PKHD1L1: variants seen among roughly 807,000 people sequenced by gnomAD.
The protein encoded by PKHD1L1 is fibrocystin-L.
In PKHD1L1, 434 loss-of-function variants were observed where a neutral mutation model predicts 462.9. That is an observed-to-expected ratio of 0.94 (90% CI 0.87 to 1.02). PKHD1L1 has a LOEUF of 1.02. Ranked by LOEUF, PKHD1L1 falls within the 50% of genes least tolerant of loss-of-function variation. The pLI, the probability that PKHD1L1 is intolerant of heterozygous loss-of-function variation, is 0.00. For missense variants in PKHD1L1, 5,202 were observed against 5,096.1 expected (o/e 1.02, Z -0.63); for synonymous variants, 1,781 against 1,750.0 (o/e 1.02, Z -0.44).
At chr8:109,422,405 A>G (rs912650140) in intron 23 of PKHD1L1, among the ~76,000 whole-genome samples, 1 of 152,162 alleles carries the variant, frequency 6.6e-6, no homozygotes, top group Admixed American at 6.5e-5. Context: ...GCAACCACAA[A>G]TTCATTCTCT....
intron 4 of PKHD1L1, among the ~76,000 whole-genome samples, chr8:109,382,838 A>G (rs369812971): frequency 3.8e-4 from 57 of 150,656 alleles, no homozygotes; most frequent in African/African-American, 1.4e-3. Flanking sequence ...TTTCCCCTTT[A>G]TCTCTACTTC....
intron 49 of PKHD1L1, 90 bp downstream of exon 49, chr8:109,465,335 CTT>C (rs1403829097): frequency 7.6e-7 from 1 of 1,320,878 alleles, no homozygotes; most frequent in Non-Finnish European, 1.0e-6. Context: ...ACTTAGGTGC[CTT>C]ACAGATCTTA....
At chr8:109,389,047 A>G (rs1318687755) in intron 7 of PKHD1L1, 32 bp from the exon 8 acceptor site, 1 of 1,408,458 alleles carries the variant, frequency 7.1e-7, no homozygotes, top group Non-Finnish European at 9.9e-7. Flanking sequence ...TAGTGTCTAT[A>G]TAAGCTTTGA....
rs779086803 is a variant in PKHD1L1, at chr8:109,464,467, T to C, written c.7635T>C (p.Phe2545=). 4.3e-6 allele frequency: 7 copies of C among 1,613,642 alleles called. No homozygotes were observed. The highest frequency in any genetic ancestry group is 8.5e-7 in the Non-Finnish European group (1 of 1,179,778). ...TCCTCCAGTATAACTTGGCAGTATTTGTACAGCAAAGTACCAGTCTTCTGA... is the reference window on the plus strand; with the variant it reads ...TCCTCCAGTATAACTTGGCAGTATTCGTACAGCAAAGTACCAGTCTTCTGA... ...GNILQYNLAV[F]VQQSTSLLND... Residue 2545 remains phenylalanine, a synonymous_variant, in exon 49 of 78, where the codon TTT becomes TTC. Transcript: ENST00000378402.
At chr8:109,373,497 T>G (rs1353307801) in intron 2 of PKHD1L1, among the ~76,000 whole-genome samples, 2 of 152,178 alleles carry the variant, frequency 1.3e-5, no homozygotes, top group African/African-American at 2.4e-5. Flanking sequence ...TTTGTGTCTC[T>G]ATTTCCTTCA....
chr8:109,445,604 T>C lies in PKHD1L1; in HGVS notation c.5735T>C (p.Leu1912Pro). 3 of 1,609,994 alleles carry C rather than the reference T, an allele frequency of 1.9e-6. No homozygotes were observed. The highest frequency in any genetic ancestry group is 2.5e-6 in the Non-Finnish European group (3 of 1,177,444). ...CCACCTTTGCTTTTTACATATGCCC[T>C]GGAGGATACTCCATTTCTCAGAGGA... Reference protein sequence around the residue: ...AYPPLLFTYALEDTPFLRGII... With the variant: ...AYPPLLFTYAPEDTPFLRGII... Residue 1912 changes from leucine (L) to proline (P), a missense_variant, in exon 38 of 78, where the codon CTG becomes CCG. By Grantham distance (98) the Leu-to-Pro change is moderately conservative (BLOSUM62 -3). Transcript: ENST00000378402.
intron 35 of PKHD1L1, among the ~76,000 whole-genome samples, 152 bp from the exon 36 acceptor site, chr8:109,442,794 T>A (rs1008944598): frequency 1.1e-4 from 17 of 152,218 alleles, no homozygotes; most frequent in Admixed American, 9.8e-4. Context: ...GCGAGTTTTC[T>A]TACTACATTC....
Position 109,396,111 on chromosome 8 carries a change from A to G in PKHD1L1, c.896A>G (p.Asp299Gly), listed in dbSNP as rs1812961175. Reference protein sequence around the residue: ...TISGRFFDQTDFPVRVLVGGE... With the variant: ...TISGRFFDQTGFPVRVLVGGE... ...AGTGGGCGTTTCTTTGATCAGACAG[A>G]TTTCCCCGTCAGAGTTCTAGTTGGA... The change falls in exon 11 of 78, where the codon GAT (aspartate) becomes GGT (glycine). Residue 299 changes from aspartate to glycine, a missense_variant. Around this residue, in one of 3 missense-constraint regions of PKHD1L1, gnomAD observed 4,497 missense variants for 4,336.8 expected, o/e 1.04. Coordinates refer to ENST00000378402, the MANE Select transcript of PKHD1L1 (RefSeq NM_177531.6). 6.2e-7 allele frequency: 1 copy of G among 1,608,436 alleles called. No individual in the cohort carries two copies.
At chr8:109,370,311 A>G (rs1228002767) in intron 2 of PKHD1L1, among the ~76,000 whole-genome samples, 1 of 151,694 alleles carries the variant, frequency 6.6e-6, no homozygotes, top group East Asian at 1.9e-4. Flanking sequence ...AGACAGTTTC[A>G]CCATGTTGGC....
intron 41 of PKHD1L1, 81 bp downstream of exon 41, chr8:109,451,230 G>A: frequency 7.1e-7 from 1 of 1,405,324 alleles, no homozygotes; most frequent in Non-Finnish European, 9.6e-7. Context: ...TGCCCGGACA[G>A]TGCAGAAATA....
chr8:109,522,158 C>G (rs1349583734), intron 73 of PKHD1L1, 28 bp from the exon 74 acceptor site: 1 of 1,558,886 alleles, frequency 6.4e-7, no homozygotes, highest in East Asian at 2.3e-5. Context: ...CTTTTATAAT[C>G]CAAATGTCAT....
chr8:109,470,888 G>C (rs1180037513), intron 50 of PKHD1L1: 5 of 1,548,158 alleles, frequency 3.2e-6, no homozygotes, highest in Non-Finnish European at 4.4e-6. Context: ...TAGAAACTGA[G>C]CCAGTAGAGG....
chr8:109,422,211 T>G lies in PKHD1L1; in HGVS notation c.2697+1521T>G, dbSNP rs559766492. On this transcript the variant is annotated intron_variant, in intron 23 of 77. Coordinates refer to ENST00000378402, the MANE Select transcript of PKHD1L1 (RefSeq NM_177531.6). ...AAATCCACTGACCTTATTCAGATTT[T>G]TCCAGGGTTGTGTGTGTGTGTGTGC... is the stretch of plus-strand genomic sequence containing the variant. 1.6e-4 allele frequency among the ~76,000 whole-genome samples: 23 copies of G among 147,964 alleles called. No individual in the cohort carries two copies. In the South Asian group the frequency reaches 4.0e-3, roughly 25 times the overall value.
rs752876442 is a variant in PKHD1L1 at position 109,406,370 on chromosome 8, C to A, written c.1705C>A (p.Gln569Lys). 1.6e-5 allele frequency: 25 copies of A among 1,557,662 alleles called. 1 individual carries two copies. In the South Asian group the frequency reaches 2.7e-4, roughly 17 times the overall value. The change falls in exon 17 of 78, where the codon CAA (glutamine) becomes AAA (lysine). Residue 569 changes from glutamine (Q) to lysine (K), a missense_variant. Transcript: ENST00000378402. ...TGCTGATGCTTCTGAATTCATACTG[C>A]AATCAGCCTTGAATGACCTCTGGTC... is the stretch of plus-strand genomic sequence containing the variant. Reference protein sequence around the residue: ...LPADASEFILQSALNDLWSIK... With the variant: ...LPADASEFILKSALNDLWSIK...
chr8:109,419,076 A>G (rs372155664), intron 21 of PKHD1L1, 21 bp from the exon 22 acceptor site: 4 of 1,602,146 alleles, frequency 2.5e-6, no homozygotes, highest in Non-Finnish European at 3.4e-6. Flanking sequence ...CTATACAACA[A>G]ATTAATCAAC....
intron 61 of PKHD1L1, 47 bp from the exon 62 acceptor site, chr8:109,491,816 TGCAAATTGAC>T: frequency 1.4e-6 from 2 of 1,455,026 alleles, no homozygotes; most frequent in Non-Finnish European, 1.9e-6. Flanking sequence ...TAATAGTCGT[TGCAAATTGAC>T]TTATGTTTTT....
intron 2 of PKHD1L1, among the ~76,000 whole-genome samples, chr8:109,374,644 G>A (rs1027933390): frequency 1.3e-5 from 2 of 152,200 alleles, no homozygotes; most frequent in African/African-American, 2.4e-5. Context: ...GGTATTGGTT[G>A]TTCCTTTCCA....
chr8:109,454,395 G>T, intron 44 of PKHD1L1, 149 bp downstream of exon 44: 1 of 661,882 alleles, frequency 1.5e-6, no homozygotes. Context: ...AATCCTTTAT[G>T]CAAGGAGAAA....
In PKHD1L1 at chr8:109,442,194, A is replaced by T. The variant is rs753624450; in HGVS notation, c.4392A>T (p.Ser1464=). The change falls in exon 35 of 78, where the codon TCA becomes TCT. Residue 1464 remains serine (S), a splice_region_variant and synonymous_variant. Transcript: ENST00000378402. The stretch of plus-strand genomic sequence containing the variant: ...CAAGTGGAAGACAAAAATCTACATC[A>T]GGTATGTTTCTGCTTATTGGGTTTT... ...GFTSGRQKST[S]GSFSYQFTSP... 1 of 1,607,492 alleles carries T rather than the reference A, an allele frequency of 6.2e-7. No homozygotes were observed. The highest frequency in any genetic ancestry group is 8.5e-7 in the Non-Finnish European group (1 of 1,177,372).
Sources: gnomAD v4.1 joint callset for allele counts (sites outside exome capture counted in the v4.1 genomes callset) on GRCh38, gnomAD v4.1.1 for gene constraint, gnomAD v4.1.1 regional missense constraint, MANE v1.5 for transcripts, NCBI Gene and HGNC (gene_info 2026-07-23, HGNC 2026-07-21) for gene names.